Variants in KAT6B observed in about 807,000 individuals in gnomAD.
KAT6B encodes the protein lysine acetyltransferase 6B.
KAT6B carries 10 observed loss-of-function variants against 187.5 expected under a neutral mutation model. The ratio of observed to expected loss-of-function variants is 0.05; its 90% CI spans 0.03 to 0.09. The LOEUF (loss-of-function observed/expected upper bound fraction) is 0.09. Among genes scored for constraint, KAT6B ranks in the 10% least tolerant of loss-of-function variants. The pLI, the probability that KAT6B is intolerant of heterozygous loss-of-function variation, is 1.00. For synonymous variants in KAT6B, 861 were observed against 926.8 expected, an observed-to-expected ratio of 0.93 and a Z score of 1.29; for missense variants, 1,952 against 2,558.9, an observed-to-expected ratio of 0.76 and a Z score of 5.12.
intron 3 of KAT6B, among the ~76,000 whole-genome samples, chr10:74,844,479 G>A (rs1023913590): frequency 6.6e-6 from 1 of 152,208 alleles, no homozygotes; most frequent in African/African-American, 2.4e-5. Context: ...GATTACAGGC[G>A]TGAGACACCA....
chr10:74,982,244 G>C (rs1465156448), intron 11 of KAT6B: 2 of 340,078 alleles, frequency 5.9e-6, no homozygotes, highest in African/African-American at 4.3e-5. Flanking sequence ...TTTGGCAGGA[G>C]AAATGAGCTT....
chr10:74,924,346 TA>T (rs34264804), intron 3 of KAT6B, among the ~76,000 whole-genome samples: 2 of 151,622 alleles, frequency 1.3e-5, no homozygotes, highest in African/African-American at 4.8e-5. Context: ...GTTCAGATTC[TA>T]AAAAAAAATT....
intron 3 of KAT6B, among the ~76,000 whole-genome samples, chr10:74,912,323 TAGAC>T (rs1443467740): frequency 6.6e-6 from 1 of 152,074 alleles, no homozygotes; most frequent in African/African-American, 2.4e-5. Flanking sequence ...TATGTATGGA[TAGAC>T]AGATAGATGA....
rs142305625 is a variant in KAT6B at position 74,861,587 on chromosome 10, G to A, written c.621+18109G>A. Among the ~76,000 whole-genome samples the A allele has an allele frequency of 6.5e-3, 991 of 152,250 alleles. 5 individuals carry two copies. Among genetic ancestry groups the A allele is most frequent in the Middle Eastern group, 0.044 (13 of 294 alleles). ...CCTAGCTATTAATGTGGTAGAGCTG[G>A]AGCCAGGATTTAGACCCAGGCATCC... On this transcript the variant is annotated intron_variant, in intron 3 of 17. Transcript: ENST00000287239.
At chr10:74,924,920 A>T (rs1169754598) in intron 3 of KAT6B, among the ~76,000 whole-genome samples, 1 of 151,988 alleles carries the variant, frequency 6.6e-6, no homozygotes, top group African/African-American at 2.4e-5. Context: ...GCTGTGTTCT[A>T]ATTGAACCTT....
chr10:75,008,041 G>C (rs1419939124), intron 13 of KAT6B, among the ~76,000 whole-genome samples: 1 of 152,162 alleles, frequency 6.6e-6, no homozygotes, highest in Non-Finnish European at 1.5e-5. Flanking sequence ...GTTCATTAGA[G>C]AACAGCATTC....
chr10:74,830,571 A>C (rs776265916), intron 1 of KAT6B, among the ~76,000 whole-genome samples: 1 of 150,874 alleles, frequency 6.6e-6, no homozygotes, highest in Non-Finnish European at 1.5e-5. Context: ...CTAAGTACCA[A>C]ACTCTTCTAA....
intron 3 of KAT6B, among the ~76,000 whole-genome samples, chr10:74,857,577 G>A (rs1842901842): frequency 6.6e-6 from 1 of 152,186 alleles, no homozygotes; most frequent in Admixed American, 6.5e-5. Context: ...GTAAGGTTCT[G>A]GGCATTAGGA....
chr10:75,028,911 G>C lies in KAT6B; in HGVS notation c.4087G>C (p.Glu1363Gln), dbSNP rs1462584619. 1.1e-5 allele frequency: 18 copies of C among 1,608,420 alleles called. No individual in the cohort carries two copies. The highest frequency in any genetic ancestry group is 1.4e-5 in the Non-Finnish European group (16 of 1,176,522). ...AGAGGAGGAGGAGGAGGAAGAGGAA[G>C]AAGAGGAAGAAGAGGAAGGGGAAGA... is the stretch of plus-strand genomic sequence containing the variant. Reference protein sequence around the residue: ...EEEEEEEEEEEEEEEEGEEEE... With the variant: ...EEEEEEEEEEQEEEEEGEEEE... The change falls in exon 18 of 18, where the codon GAA becomes CAA. Residue 1363 changes from glutamate (E) to glutamine (Q), a missense_variant. Glu to Gln is a conservative substitution (Grantham distance 29). Around this residue, in one of 9 missense-constraint regions of KAT6B, gnomAD observed 758 missense variants for 891.4 expected, o/e 0.85. Transcript: ENST00000287239.
intron 13 of KAT6B, among the ~76,000 whole-genome samples, chr10:75,009,304 T>G (rs756575312): frequency 6.6e-6 from 1 of 152,202 alleles, no homozygotes; most frequent in Admixed American, 6.5e-5. Flanking sequence ...GCTTTTTTTC[T>G]CATTAAATTT....
intron 9 of KAT6B, 145 bp downstream of exon 9, chr10:74,977,582 CTG>C (rs1842244304): frequency 9.5e-7 from 1 of 1,049,640 alleles, no homozygotes; most frequent in Non-Finnish European, 1.5e-6. Flanking sequence ...TTTCTACTGA[CTG>C]TACATTCAAA....
Position 75,031,117 on chromosome 10 carries a change from G to A in KAT6B, c.*71G>A, listed in dbSNP as rs528104168. 1 of 1,553,266 alleles carries A rather than the reference G, an allele frequency of 6.4e-7. No homozygotes were observed. The highest frequency in any genetic ancestry group is 1.8e-5 in the Admixed American group (1 of 55,390). On this transcript the variant is annotated 3_prime_UTR_variant, in exon 18 of 18. Transcript: ENST00000287239. Reference sequence around the variant, plus strand: ...TGATCTGCACAAATACCTTTGAAGAGTACGATTTCAAAACCAGCAATTGGT... The same window carrying A: ...TGATCTGCACAAATACCTTTGAAGAATACGATTTCAAAACCAGCAATTGGT...
At chr10:75,008,391 T>A (rs1357399722) in intron 13 of KAT6B, among the ~76,000 whole-genome samples, 6 of 152,188 alleles carry the variant, frequency 3.9e-5, no homozygotes, top group Non-Finnish European at 8.8e-5. Context: ...AGAGAAAAGA[T>A]GTTAAAAGTT....
At chr10:74,901,859 AGT>A (rs1846419841) in intron 3 of KAT6B, among the ~76,000 whole-genome samples, 1 of 152,156 alleles carries the variant, frequency 6.6e-6, no homozygotes, top group African/African-American at 2.4e-5. Context: ...GACATATAGA[AGT>A]AATGTTTTTA....
chr10:74,896,070 G>A (rs778179091), intron 3 of KAT6B, among the ~76,000 whole-genome samples: 3 of 151,816 alleles, frequency 2.0e-5, no homozygotes, highest in Admixed American at 6.6e-5. Context: ...ATGTGAAAAT[G>A]TTCCAGTCAG....
In KAT6B at chr10:75,028,619, G is replaced by A. The variant is rs759027870; in HGVS notation, c.3795G>A (p.Arg1265=). ...CTAAGTGGAGGCAAAACAAAGAGAG[G>A]AAGACCGGATTTAAACTGAATTTGT... ...GLSKWRQNKE[R]KTGFKLNLYT... is the part of the protein sequence containing the mutation. Residue 1265 remains arginine, a synonymous_variant, in exon 18 of 18, where the codon AGG becomes AGA. Transcript: ENST00000287239. 2 of 1,614,160 alleles carry A rather than the reference G, an allele frequency of 1.2e-6. No individual in the cohort carries two copies. Among genetic ancestry groups the A allele is most frequent in the South Asian group, 2.2e-5 (2 of 91,074 alleles).
At chr10:74,933,169 T>G (rs1017034075) in intron 3 of KAT6B, among the ~76,000 whole-genome samples, 2 of 152,146 alleles carry the variant, frequency 1.3e-5, no homozygotes, top group Non-Finnish European at 2.9e-5. Flanking sequence ...CTCTAAACTT[T>G]TGTAGCATTA....
rs752408097 is a variant in KAT6B at position 75,022,065 on chromosome 10, G to A, written c.3206G>A (p.Ser1069Asn). The change falls in exon 16 of 18, where the codon AGT (serine) becomes AAT (asparagine). Residue 1069 changes from serine (S) to asparagine (N), a missense_variant. By Grantham distance (46) the Ser-to-Asn change is conservative. Coordinates refer to ENST00000287239, the MANE Select transcript of KAT6B (RefSeq NM_012330.4). ...GQLLELSKES[S>N]EEEEEEEDEE... is the part of the protein sequence containing the mutation. Reference sequence around the variant, plus strand: ...CTGCTGGAGCTGTCTAAAGAGAGCAGTGAAGAAGAAGAGGAGGAGGAGGAC... The same window carrying A: ...CTGCTGGAGCTGTCTAAAGAGAGCAATGAAGAAGAAGAGGAGGAGGAGGAC... 6 of 1,613,818 alleles carry A rather than the reference G, an allele frequency of 3.7e-6. No homozygotes were observed. The highest frequency in any genetic ancestry group is 5.1e-6 in the Non-Finnish European group (6 of 1,179,898).
chr10:75,029,160 A>G lies in KAT6B; in HGVS notation c.4336A>G (p.Arg1446Gly). Residue 1446 changes from arginine to glycine, a missense_variant, in exon 18 of 18, where the codon AGA (arginine) becomes GGA (glycine). This residue lies in a region of KAT6B where 758 missense variants were observed against 891.4 expected (regional missense o/e 0.85). Coordinates refer to ENST00000287239, the MANE Select transcript of KAT6B (RefSeq NM_012330.4). This position sits in a 1 kb window ranked among gnomAD's most constrained non-coding sequence, Gnocchi z 6.2. The stretch of plus-strand genomic sequence containing the variant: ...CGAAGTGGAGAAGGAAGAGCTGCCC[A>G]GAGAAAGCTTCAAAGAAGTACTGGA... ...SAEVEKEELP[R>G]ESFKEVLENQ... is the part of the protein sequence containing the mutation. 1 of 1,614,214 alleles carries G rather than the reference A, an allele frequency of 6.2e-7. No homozygotes were observed. Among genetic ancestry groups the G allele is most frequent in the Non-Finnish European group, 8.5e-7 (1 of 1,180,036 alleles).
Sources: allele counts gnomAD v4.1 joint callset (sites outside exome capture counted in the v4.1 genomes callset), GRCh38; gene constraint gnomAD v4.1.1; regional missense constraint gnomAD v4.1.1; non-coding constraint Gnocchi (gnomAD v3.1); transcripts MANE v1.5; gene names NCBI Gene and HGNC (gene_info 2026-07-23, HGNC 2026-07-21).